Variants in ABCF2 observed in about 807,000 individuals in gnomAD.
ABCF2 encodes ATP binding cassette subfamily F member 2.
In ABCF2, 37 loss-of-function variants were observed where a neutral mutation model predicts 76.9. The ratio of observed to expected loss-of-function variants is 0.48; its 90% CI spans 0.37 to 0.63. ABCF2 has a LOEUF of 0.63. Among genes scored for constraint, ABCF2 ranks in the 30% least tolerant of loss-of-function variants. The pLI, the probability that ABCF2 is intolerant of heterozygous loss-of-function variation, is 0.00. For synonymous variants in ABCF2, 299 were observed against 283.7 expected (o/e 1.05, Z -0.54); for missense variants, 524 against 782.1 (o/e 0.67, Z 3.94).
chr7:151,217,311 T>C (rs1259629495), intron 11 of ABCF2, among the ~76,000 whole-genome samples: 2 of 152,016 alleles, frequency 1.3e-5, no homozygotes, highest in Admixed American at 6.6e-5. Flanking sequence ...GGTGCAGCTT[T>C]GGAATTGGGA....
At position 151,214,220 on chromosome 7, in the gene ABCF2, G is replaced by A; in HGVS notation, c.1735-29C>T. On this transcript the variant is annotated intron_variant, in intron 14 of 14. Coordinates refer to ENST00000287844, the MANE Select transcript of ABCF2 (RefSeq NM_007189.3). This position sits in a 1 kb window ranked among gnomAD's most constrained non-coding sequence, Gnocchi z 4.9. Reference sequence around the variant, plus strand: ...GAAAGCAAAACCTGGACTTAATCCTGGGCTAGTCACTGTCCCTGCCTCTGC... The same window carrying A: ...GAAAGCAAAACCTGGACTTAATCCTAGGCTAGTCACTGTCCCTGCCTCTGC... The A allele has an allele frequency of 6.2e-7, 1 of 1,614,016 alleles. No homozygotes were observed. Among genetic ancestry groups the A allele is most frequent in the Non-Finnish European group, 8.5e-7 (1 of 1,179,988 alleles).
In ABCF2 at chr7:151,226,489, G is replaced by GA; in HGVS notation, c.-32_-31insT. 1 of 1,603,708 alleles carries GA rather than the reference G, an allele frequency of 6.2e-7. No homozygotes were observed. Among genetic ancestry groups the GA allele is most frequent in the Non-Finnish European group, 8.5e-7 (1 of 1,175,716 alleles). ...TGACCCACAGGGGTAGGTTACTGTT[G>GA]TTTCAGGGAGCCTGAAGGAAGGCAA... On this transcript the variant is annotated 5_prime_UTR_variant, in exon 2 of 15. Coordinates refer to ENST00000287844, the MANE Select transcript of ABCF2 (RefSeq NM_007189.3).
intron 5 of ABCF2, among the ~76,000 whole-genome samples, chr7:151,223,390 G>A (rs1381123780): frequency 6.6e-6 from 1 of 152,180 alleles, no homozygotes; most frequent in Non-Finnish European, 1.5e-5. Flanking sequence ...GAATCCTGGT[G>A]GGAGGACAGA....
intron 1 of ABCF2, chr7:151,226,890 C>A (rs1802384580): frequency 6.3e-6 from 1 of 158,152 alleles, no homozygotes; most frequent in Non-Finnish European, 1.4e-5. Context: ...CGTCTCGGGC[C>A]TCTTCTCGAT....
Position 151,214,406 on chromosome 7 carries a change from C to T in ABCF2, c.1735-215G>A, listed in dbSNP as rs1185724362. 6.6e-6 allele frequency among the ~76,000 whole-genome samples: 1 copy of T among 152,184 alleles called. No individual in the cohort carries two copies. The highest frequency in any genetic ancestry group is 1.5e-5 in the Non-Finnish European group (1 of 68,040). ...CAAGCCAGGAACTGCTGTGTCACTCCTATTGTCAGCTCCCTGGCAGGGCCT... is the reference window on the plus strand; with the variant it reads ...CAAGCCAGGAACTGCTGTGTCACTCTTATTGTCAGCTCCCTGGCAGGGCCT... On this transcript the variant is annotated intron_variant, in intron 14 of 14. Coordinates refer to ENST00000287844, the MANE Select transcript of ABCF2 (RefSeq NM_007189.3). This position sits in a 1 kb window ranked among gnomAD's most constrained non-coding sequence, Gnocchi z 4.9.
intron 3 of ABCF2, 132 bp from the exon 4 acceptor site, chr7:151,224,246 C>T (rs1802331347): frequency 7.1e-6 from 6 of 846,442 alleles, no homozygotes; most frequent in African/African-American, 3.5e-5. Flanking sequence ...TCCCTTCATT[C>T]GTTCAAATCT....
chr7:151,220,804 A>G lies in ABCF2; in HGVS notation c.921+774T>C, dbSNP rs184619976. On this transcript the variant is annotated intron_variant, in intron 7 of 14. Coordinates refer to ENST00000287844, the MANE Select transcript of ABCF2 (RefSeq NM_007189.3). ...AGAGTTCAAGACCAGCCTGGCCAACATGGCAAAATCCCGTCTCTACTAAAA... is the reference window on the plus strand; with the variant it reads ...AGAGTTCAAGACCAGCCTGGCCAACGTGGCAAAATCCCGTCTCTACTAAAA... 1.4e-3 allele frequency among the ~76,000 whole-genome samples: 211 copies of G among 152,346 alleles called. 1 individual carries two copies. Among genetic ancestry groups the G allele is most frequent in the Non-Finnish European group, 2.6e-3 (176 of 68,032 alleles).
At chr7:151,221,739 G>T in intron 6 of ABCF2, 59 bp from the exon 7 acceptor site, 1 of 1,298,756 alleles carries the variant, frequency 7.7e-7, no homozygotes, top group Non-Finnish European at 1.1e-6. Context: ...GCTGACAACA[G>T]GTGAACTGAA....
At chr7:151,217,993 A>G (rs1019046637) in intron 11 of ABCF2, 88 bp downstream of exon 11, 2 of 995,808 alleles carry the variant, frequency 2.0e-6, no homozygotes, top group Admixed American at 2.0e-5. Flanking sequence ...AGGCCCTCCC[A>G]AAGTAGTAGC....
chr7:151,222,002 T>G (rs1802278537), intron 6 of ABCF2: 1 of 253,544 alleles, frequency 3.9e-6, no homozygotes, highest in African/African-American at 2.3e-5. Flanking sequence ...TATCCAAAAC[T>G]GTGGGTGGGA....
At chr7:151,218,930 A>G (rs573905461) in intron 8 of ABCF2, 57 bp from the exon 9 acceptor site, 1 of 1,609,522 alleles carries the variant, frequency 6.2e-7, no homozygotes, top group African/African-American at 1.3e-5. Context: ...ATTCATCTTC[A>G]ATCCAGGGTA....
intron 6 of ABCF2, 127 bp downstream of exon 6, chr7:151,222,394 A>C: frequency 1.5e-6 from 1 of 689,286 alleles, no homozygotes; most frequent in Non-Finnish European, 2.5e-6. Flanking sequence ...TTGTCCAAGA[A>C]AGTGAACTCT....
intron 6 of ABCF2, 188 bp from the exon 7 acceptor site, chr7:151,221,868 A>G (rs1430174062): frequency 7.5e-6 from 4 of 532,792 alleles, no homozygotes; most frequent in Non-Finnish European, 1.4e-5. Flanking sequence ...GACGCCTTTC[A>G]GTGTGGCGAG....
rs1171070879 is a variant in ABCF2, at chr7:151,223,735, T to C, written c.665A>G (p.Gln222Arg). ...ACTGAAGTCTTTTAGCTTCTTGCGC[T>C]GCATGGCAGGTGTGAAACCCAGTCC... ...LHGLGFTPAM[Q>R]RKKLKDFSGG... The change falls in exon 5 of 15, where the codon CAG becomes CGG. Residue 222 changes from glutamine to arginine, a missense_variant. By Grantham distance (43) the Gln-to-Arg change is conservative. This residue lies in a region of ABCF2 where 330 missense variants were observed against 433.6 expected (regional missense o/e 0.76). Coordinates refer to ENST00000287844, the MANE Select transcript of ABCF2 (RefSeq NM_007189.3). 5 of 1,612,878 alleles carry C rather than the reference T, an allele frequency of 3.1e-6. No homozygotes were observed. The African/African-American group carries it at 5.3e-5, about 17-fold the overall frequency.
rs1802289806 is a variant in ABCF2 at position 151,222,528 on chromosome 7, GTTC to G, written c.808_810del (p.Glu270del). The G allele has an allele frequency of 6.2e-7, 1 of 1,613,128 alleles. No homozygotes were observed. Among genetic ancestry groups the G allele is most frequent in the Non-Finnish European group, 8.5e-7 (1 of 1,179,526 alleles). On this transcript the variant is annotated inframe_deletion, in exon 6 of 15. Transcript: ENST00000287844. ...CCCATTCCACCCTCTTACGTTTTTA[GTTC>G]TTCTTCCAACCACACGCAAGCATCT...
Position 151,221,739 on chromosome 7 carries a change from G to A in ABCF2, c.819-59C>T, listed in dbSNP as rs959239033. On this transcript the variant is annotated intron_variant, in intron 6 of 14. Transcript: ENST00000287844. ...CAACCATGGGAGCTAGCTGACAACA[G>A]GTGAACTGAAAGTCAGGCCCATCCT... The A allele has an allele frequency of 1.3e-5, 17 of 1,298,642 alleles. No individual in the cohort carries two copies. The African/African-American group carries it at 2.2e-4, about 17-fold the overall frequency. The allele number at this position is 1,298,642 out of a possible 1,614,324, so 80.4% of individuals were successfully genotyped here.
intron 11 of ABCF2, among the ~76,000 whole-genome samples, chr7:151,217,503 T>A (rs1802174178): frequency 6.6e-6 from 1 of 152,174 alleles, no homozygotes; most frequent in East Asian, 1.9e-4. Context: ...ATGCTCTGAT[T>A]GAAAATAGAA....
chr7:151,218,961 T>C, intron 8 of ABCF2, 88 bp from the exon 9 acceptor site: 1 of 1,609,064 alleles, frequency 6.2e-7, no homozygotes, highest in East Asian at 2.2e-5. Flanking sequence ...TCGTAACTTC[T>C]TCCCGACATC....
rs369094772 is a variant in ABCF2 at position 151,216,046 on chromosome 7, A to G, written c.1339-17T>C. ...GGGTAGTAGCTAGGAAGAAAAAAGT[A>G]GAAACGTAAGCATGAAACAAAGGAA... is the stretch of plus-strand genomic sequence containing the variant. On this transcript the variant is annotated splice_polypyrimidine_tract_variant and intron_variant, in intron 11 of 14. Coordinates refer to ENST00000287844, the MANE Select transcript of ABCF2 (RefSeq NM_007189.3). 2.5e-6 allele frequency: 4 copies of G among 1,610,980 alleles called. No homozygotes were observed. The highest frequency in any genetic ancestry group is 1.3e-5 in the African/African-American group (1 of 74,542).
Sources: gnomAD v4.1 joint callset for allele counts (sites outside exome capture counted in the v4.1 genomes callset) on GRCh38, gnomAD v4.1.1 for gene constraint, gnomAD v4.1.1 regional missense constraint, Gnocchi (gnomAD v3.1) non-coding constraint, MANE v1.5 for transcripts, NCBI Gene and HGNC (gene_info 2026-07-23, HGNC 2026-07-21) for gene names.